Variants in CNTN5 observed in about 807,000 individuals in gnomAD.
The protein encoded by CNTN5 is contactin 5, also known as contactin-5.
Under a neutral mutation model 129.1 loss-of-function variants are expected in CNTN5, and 77 were observed. The ratio of observed to expected loss-of-function variants is 0.60; its 90% CI spans 0.50 to 0.72. The LOEUF is 0.72. Among genes scored for constraint, CNTN5 ranks in the 30% least tolerant of loss-of-function variants. The pLI, the probability that CNTN5 is intolerant of heterozygous loss-of-function variation, is 0.00. For missense variants in CNTN5, 1,478 were observed against 1,328.8 expected (o/e 1.11, Z -1.75); for synonymous variants, 509 against 465.6 (o/e 1.09, Z -1.20).
At chr11:99,751,345 AAATT>A (rs1283039016) in intron 3 of CNTN5, among the ~76,000 whole-genome samples, 2 of 152,182 alleles carry the variant, frequency 1.3e-5, no homozygotes, top group East Asian at 1.9e-4. Flanking sequence ...CTCAAAAAAT[AAATT>A]AATTAATTCA....
At chr11:100,301,790 A>G (rs1431351107) in intron 20 of CNTN5, among the ~76,000 whole-genome samples, 1 of 151,642 alleles carries the variant, frequency 6.6e-6, no homozygotes, top group Non-Finnish European at 1.5e-5. Flanking sequence ...AGCTTCCTCC[A>G]CTTTAAAAAT....
At chr11:99,226,348 T>G (rs1011258373) in intron 1 of CNTN5, among the ~76,000 whole-genome samples, 2 of 152,190 alleles carry the variant, frequency 1.3e-5, no homozygotes, top group African/African-American at 4.8e-5. Flanking sequence ...AAATATTTAT[T>G]AATTCAACAT....
intron 17 of CNTN5, among the ~76,000 whole-genome samples, chr11:100,257,289 G>A (rs1950092424): frequency 6.6e-6 from 1 of 152,170 alleles, no homozygotes; most frequent in Admixed American, 6.5e-5. Flanking sequence ...GCCCCAGTCA[G>A]GAGCTTATAG....
intron 6 of CNTN5, among the ~76,000 whole-genome samples, chr11:99,893,941 A>G (rs999613949): frequency 5.9e-5 from 9 of 152,046 alleles, no homozygotes; most frequent in African/African-American, 2.2e-4. Flanking sequence ...AGAGTGAGAG[A>G]TAGCATTTCT....
intron 6 of CNTN5, among the ~76,000 whole-genome samples, chr11:99,903,913 T>G (rs1418153190): frequency 6.6e-6 from 1 of 152,080 alleles, no homozygotes; most frequent in African/African-American, 2.4e-5. Flanking sequence ...CAGATAAAAG[T>G]ATTCAACATC....
chr11:99,029,979 A>G (rs984936448), intron 1 of CNTN5, among the ~76,000 whole-genome samples: 3 of 152,206 alleles, frequency 2.0e-5, no homozygotes, highest in Admixed American at 6.5e-5. Flanking sequence ...GAATGAAATG[A>G]AAATCTAGGG....
At chr11:100,323,224 T>C (rs970511579) in intron 21 of CNTN5, among the ~76,000 whole-genome samples, 3 of 152,238 alleles carry the variant, frequency 2.0e-5, no homozygotes, top group Admixed American at 1.3e-4. Flanking sequence ...TGAGCAAGCA[T>C]AGTTTATCAT....
intron 1 of CNTN5, among the ~76,000 whole-genome samples, chr11:99,088,383 T>C (rs1200177750): frequency 6.6e-6 from 1 of 152,130 alleles, no homozygotes; most frequent in African/African-American, 2.4e-5. Flanking sequence ...CTGTTAAGAA[T>C]TTTTTCCTTC....
chr11:99,032,510 A>G (rs1300669472), intron 1 of CNTN5, among the ~76,000 whole-genome samples: 1 of 151,444 alleles, frequency 6.6e-6, no homozygotes, highest in East Asian at 2.0e-4. Flanking sequence ...CATTTCTCTG[A>G]TGGCCAGTGA....
intron 1 of CNTN5, among the ~76,000 whole-genome samples, chr11:99,026,490 C>T (rs1178885913): frequency 6.6e-6 from 1 of 151,544 alleles, no homozygotes; most frequent in African/African-American, 2.4e-5. Context: ...CTCTCTTCCT[C>T]CTTCTGTGAT....
intron 1 of CNTN5, among the ~76,000 whole-genome samples, chr11:99,187,428 T>C (rs891192895): frequency 8.0e-5 from 10 of 125,068 alleles, no homozygotes; most frequent in Non-Finnish European, 1.8e-4. Flanking sequence ...TTACAATTTG[T>C]TATATTAATA....
chr11:99,385,973 T>C (rs567621549), intron 2 of CNTN5, among the ~76,000 whole-genome samples: 1 of 152,356 alleles, frequency 6.6e-6, no homozygotes, highest in South Asian at 2.1e-4. Flanking sequence ...GAGAAATTTA[T>C]GACCTGGAGT....
At chr11:99,454,009 T>C (rs1944404137) in intron 2 of CNTN5, among the ~76,000 whole-genome samples, 1 of 152,136 alleles carries the variant, frequency 6.6e-6, no homozygotes, top group South Asian at 2.1e-4. Flanking sequence ...CACTCAGGCC[T>C]TAGAAAGATA....
intron 9 of CNTN5, among the ~76,000 whole-genome samples, chr11:100,019,943 T>G (rs1012106643): frequency 6.6e-6 from 1 of 151,980 alleles, no homozygotes; most frequent in Non-Finnish European, 1.5e-5. Context: ...TGTACCTCTT[T>G]TTTTGAGAAC....
intron 2 of CNTN5, 71 bp downstream of exon 2, chr11:99,325,555 A>C (rs770938841): frequency 6.6e-6 from 1 of 152,178 alleles, no homozygotes; most frequent in Non-Finnish European, 1.5e-5. Flanking sequence ...AGATTCATGC[A>C]TATCCTTAAT....
At chr11:99,545,768 GA>G (rs1669026730) in intron 2 of CNTN5, among the ~76,000 whole-genome samples, 1 of 152,168 alleles carries the variant, frequency 6.6e-6, no homozygotes, top group Admixed American at 6.5e-5. Context: ...GCAGAACCCT[GA>G]ACAGGTGTTC....
In CNTN5 at chr11:99,501,439, TA is replaced by T. The variant is rs1278582033; in HGVS notation, c.-70-54705del. On this transcript the variant is annotated intron_variant, in intron 2 of 24. Transcript: ENST00000524871. Reference sequence around the variant, plus strand: ...TAGTTTAAAGAATATTTGAAATAACTACTTCCTCTGTGAGTCCTTTCCCAAC... The same window carrying T: ...TAGTTTAAAGAATATTTGAAATAACTCTTCCTCTGTGAGTCCTTTCCCAAC... Among the ~76,000 whole-genome samples the T allele has an allele frequency of 2.6e-5, 4 of 152,230 alleles. No homozygotes were observed. The East Asian group carries it at 7.7e-4, about 29-fold the overall frequency.
chr11:99,488,356 A>G (rs1945903576), intron 2 of CNTN5, among the ~76,000 whole-genome samples: 1 of 140,192 alleles, frequency 7.1e-6, no homozygotes, highest in African/African-American at 2.5e-5. Flanking sequence ...TATTTTTAGT[A>G]GAGACGGGGT....
intron 1 of CNTN5, among the ~76,000 whole-genome samples, chr11:99,186,369 C>G (rs936559073): frequency 6.6e-6 from 1 of 151,886 alleles, no homozygotes; most frequent in African/African-American, 2.4e-5. Flanking sequence ...GTTTTTATAT[C>G]AGCTCTGCTT....
Sources: gnomAD v4.1 joint callset for allele counts (sites outside exome capture counted in the v4.1 genomes callset) on GRCh38, gnomAD v4.1.1 for gene constraint, MANE v1.5 for transcripts, NCBI Gene and HGNC (gene_info 2026-07-23, HGNC 2026-07-21) for gene names.